CNTN4: variants seen among roughly 807,000 people sequenced by gnomAD.
CNTN4 encodes contactin-4.
A neutral mutation model predicts 122.5 loss-of-function variants in CNTN4; 77 were observed. The observed-to-expected ratio is 0.63, with a 90% CI of 0.52 to 0.76. CNTN4 has a LOEUF of 0.76. CNTN4 is among the 30% of genes least tolerant of loss of function. The pLI, the probability that CNTN4 is intolerant of heterozygous loss-of-function variation, is 0.00. For missense variants in CNTN4, 1,256 were observed against 1,259.1 expected (o/e 1.00, Z 0.04); for synonymous variants, 512 against 447.0 (o/e 1.15, Z -1.83).
chr3:2,737,507 T>G (rs553980780), intron 5 of CNTN4, among the ~76,000 whole-genome samples: 46 of 152,342 alleles, frequency 3.0e-4, no homozygotes, highest in African/African-American at 1.1e-3. Flanking sequence ...TGATTGACTT[T>G]CTCTTTGAAA....
intron 2 of CNTN4, among the ~76,000 whole-genome samples, chr3:2,179,368 C>T (rs1357777315): frequency 6.6e-6 from 1 of 151,796 alleles, no homozygotes; most frequent in African/African-American, 2.4e-5. Context: ...CCATAATGCC[C>T]CAGATAGGAT....
chr3:2,655,778 T>C (rs938715349), intron 4 of CNTN4, among the ~76,000 whole-genome samples: 6 of 152,166 alleles, frequency 3.9e-5, no homozygotes, highest in Admixed American at 3.9e-4. Context: ...AGTGCCTCTT[T>C]GCCAGAAGAT....
At chr3:2,451,579 AT>A (rs2048830729) in intron 3 of CNTN4, among the ~76,000 whole-genome samples, 2 of 151,684 alleles carry the variant, frequency 1.3e-5, no homozygotes, top group Admixed American at 6.6e-5. Context: ...CCAGTTTTTT[AT>A]TTTTATCAAA....
At chr3:2,395,805 G>A (rs1296273090) in intron 3 of CNTN4, among the ~76,000 whole-genome samples, 2 of 152,076 alleles carry the variant, frequency 1.3e-5, no homozygotes, top group Non-Finnish European at 2.9e-5. Context: ...GTATTCTATA[G>A]CAGAACTATA....
At chr3:3,003,207 T>C (rs1457623918) in intron 14 of CNTN4, among the ~76,000 whole-genome samples, 8 of 152,188 alleles carry the variant, frequency 5.3e-5, no homozygotes, top group Non-Finnish European at 1.0e-4. Context: ...CAGTTTTCAG[T>C]ATATAAAATG....
intron 4 of CNTN4, among the ~76,000 whole-genome samples, chr3:2,672,937 A>G (rs1286602116): frequency 6.6e-6 from 1 of 152,218 alleles, no homozygotes; most frequent in African/African-American, 2.4e-5. Flanking sequence ...GGGCTAGAGA[A>G]TCACGTAAAT....
At chr3:2,208,682 G>T (rs1047651976) in intron 2 of CNTN4, among the ~76,000 whole-genome samples, 1 of 151,988 alleles carries the variant, frequency 6.6e-6, no homozygotes, top group African/African-American at 2.4e-5. Context: ...CGAAAGGAAG[G>T]GTCTATCTAT....
chr3:2,733,884 C>T (rs1225446111), intron 4 of CNTN4, among the ~76,000 whole-genome samples: 1 of 151,956 alleles, frequency 6.6e-6, no homozygotes, highest in African/African-American at 2.4e-5. Context: ...TTTCATAAAT[C>T]TTCTCTTTTT....
intron 3 of CNTN4, among the ~76,000 whole-genome samples, chr3:2,398,611 G>C (rs1680652141): frequency 6.6e-6 from 1 of 152,088 alleles, no homozygotes; most frequent in Non-Finnish European, 1.5e-5. Flanking sequence ...ATGAGATATA[G>C]GGTAGATTTA....
chr3:2,503,960 A>G (rs1371040943), intron 3 of CNTN4, among the ~76,000 whole-genome samples: 5 of 151,988 alleles, frequency 3.3e-5, no homozygotes, highest in African/African-American at 7.2e-5. Flanking sequence ...TTAGATCTCT[A>G]TTTTGAAATG....
At chr3:2,981,406 T>A (rs373121911) in intron 13 of CNTN4, among the ~76,000 whole-genome samples, 1 of 151,856 alleles carries the variant, frequency 6.6e-6, no homozygotes, top group Non-Finnish European at 1.5e-5. Flanking sequence ...ATCGCAGCAC[T>A]GCACTCCAGC....
intron 4 of CNTN4, among the ~76,000 whole-genome samples, chr3:2,588,436 G>T (rs1423855306): frequency 6.6e-6 from 1 of 151,400 alleles, no homozygotes; most frequent in Non-Finnish European, 1.5e-5. Context: ...GTGTGATCTC[G>T]GCTCACTGCA....
At chr3:2,609,107 A>T (rs2081376795) in intron 4 of CNTN4, among the ~76,000 whole-genome samples, 1 of 152,232 alleles carries the variant, frequency 6.6e-6, no homozygotes, top group Non-Finnish European at 1.5e-5. Flanking sequence ...ATATTAACAC[A>T]TATGCTTCAT....
intron 4 of CNTN4, among the ~76,000 whole-genome samples, chr3:2,583,850 C>T (rs1157705135): frequency 2.6e-5 from 4 of 152,092 alleles, no homozygotes; most frequent in South Asian, 4.1e-4. Flanking sequence ...TGGGCTGACA[C>T]AATTTGTTTC....
chr3:2,767,620 A>G (rs752150561), intron 6 of CNTN4, among the ~76,000 whole-genome samples: 3 of 152,182 alleles, frequency 2.0e-5, no homozygotes, highest in Non-Finnish European at 4.4e-5. Flanking sequence ...GGAATACCTC[A>G]TGGTGGAAAA....
At chr3:2,829,030 T>C (rs34112737) in intron 7 of CNTN4, among the ~76,000 whole-genome samples, 28,612 of 152,168 alleles carry the variant, frequency 0.19, 3,408 homozygotes, top group Non-Finnish European at 0.27. Flanking sequence ...TGAGCCACCG[T>C]GCCCATCCAG....
chr3:2,139,543 G>A (rs1467833413), intron 2 of CNTN4, among the ~76,000 whole-genome samples: 1 of 152,192 alleles, frequency 6.6e-6, no homozygotes, highest in East Asian at 1.9e-4. Flanking sequence ...GAAAAGGAAT[G>A]TAATGCAATC....
intron 2 of CNTN4, among the ~76,000 whole-genome samples, chr3:2,128,309 C>T (rs1211478673): frequency 1.3e-5 from 2 of 152,170 alleles, no homozygotes; most frequent in African/African-American, 4.8e-5. Context: ...CCAGAATGGA[C>T]ACAGTGATAC....
At chr3:3,038,771 C>T (rs1036783130) in intron 18 of CNTN4, among the ~76,000 whole-genome samples, 162 bp from the exon 19 acceptor site, 1 of 150,508 alleles carries the variant, frequency 6.6e-6, no homozygotes, top group South Asian at 2.2e-4. Context: ...CTTCCTCGAG[C>T]GGTCGCCGTG....
Sources: gnomAD v4.1 joint callset for allele counts (sites outside exome capture counted in the v4.1 genomes callset) on GRCh38, gnomAD v4.1.1 for gene constraint, MANE v1.5 for transcripts, NCBI Gene and HGNC (gene_info 2026-07-23, HGNC 2026-07-21) for gene names.